Variants in CDH13 observed in about 807,000 individuals in gnomAD.
CDH13 encodes the protein cadherin-13.
Under a neutral mutation model 63.8 loss-of-function variants are expected in CDH13, and 24 were observed. The observed-to-expected ratio is 0.38, with a 90% CI of 0.27 to 0.53. The LOEUF is 0.53. Among genes scored for constraint, CDH13 ranks in the 20% least tolerant of loss-of-function variants. The pLI, the probability that CDH13 is intolerant of heterozygous loss-of-function variation, is 0.85. For synonymous variants in CDH13, 503 were observed against 355.3 expected, an observed-to-expected ratio of 1.42 and a Z score of -4.67; for missense variants, 1,049 against 903.1, an observed-to-expected ratio of 1.16 and a Z score of -2.07.
intron 3 of CDH13, among the ~76,000 whole-genome samples, chr16:83,032,660 G>C (rs749765372): frequency 6.6e-6 from 1 of 152,068 alleles, no homozygotes; most frequent in Non-Finnish European, 1.5e-5. Flanking sequence ...GCAAAACCTT[G>C]GAATTCAGTC....
intron 12 of CDH13, among the ~76,000 whole-genome samples, chr16:83,781,022 G>C (rs1915482069): frequency 6.6e-6 from 1 of 152,168 alleles, no homozygotes; most frequent in African/African-American, 2.4e-5. Flanking sequence ...CCTCAGACTT[G>C]ACTTGGTTTA....
At chr16:83,103,251 T>C (rs1322329605) in intron 3 of CDH13, among the ~76,000 whole-genome samples, 1 of 139,564 alleles carries the variant, frequency 7.2e-6, no homozygotes, top group African/African-American at 2.7e-5. Flanking sequence ...AACTTTTTTT[T>C]TTTTTTTTTT....
intron 5 of CDH13, among the ~76,000 whole-genome samples, chr16:83,261,613 A>G (rs538523029): frequency 6.6e-6 from 1 of 152,092 alleles, no homozygotes; most frequent in Non-Finnish European, 1.5e-5. Context: ...CCCCCATGAC[A>G]AAGAAATTAT....
intron 4 of CDH13, among the ~76,000 whole-genome samples, chr16:83,201,327 G>A (rs1230651595): frequency 1.3e-5 from 2 of 152,066 alleles, no homozygotes; most frequent in Non-Finnish European, 2.9e-5. Context: ...AAATATGTCA[G>A]GAAGTATGTC....
chr16:83,601,994 G>T (rs953876853), intron 7 of CDH13, among the ~76,000 whole-genome samples: 3 of 150,616 alleles, frequency 2.0e-5, no homozygotes, highest in Non-Finnish European at 4.4e-5. Flanking sequence ...TCAGGAGGCT[G>T]AGGCAGGAGA....
At chr16:83,585,811 G>T (rs1906102038) in intron 7 of CDH13, among the ~76,000 whole-genome samples, 1 of 152,256 alleles carries the variant, frequency 6.6e-6, no homozygotes, top group East Asian at 1.9e-4. Context: ...GCTCCCACGT[G>T]GAATCTTTGG....
At chr16:83,294,618 G>GTATA (rs56063197) in intron 5 of CDH13, among the ~76,000 whole-genome samples, 36 of 150,582 alleles carry the variant, frequency 2.4e-4, no homozygotes, top group East Asian at 1.4e-3. Context: ...GTGTGTGTGT[G>GTATA]TATATATATA....
intron 6 of CDH13, among the ~76,000 whole-genome samples, chr16:83,426,723 C>T (rs897592100): frequency 2.0e-4 from 30 of 152,002 alleles, no homozygotes; most frequent in African/African-American, 7.2e-4. Flanking sequence ...AATGATAGTC[C>T]TCATTCTCCC....
At chr16:83,279,505 G>T (rs899627937) in intron 5 of CDH13, among the ~76,000 whole-genome samples, 1 of 152,102 alleles carries the variant, frequency 6.6e-6, no homozygotes, top group Non-Finnish European at 1.5e-5. Flanking sequence ...CATATCTGCC[G>T]CATTCTGGAA....
At chr16:83,351,212 G>A (rs1191374044) in intron 6 of CDH13, among the ~76,000 whole-genome samples, 1 of 149,982 alleles carries the variant, frequency 6.7e-6, no homozygotes, top group Non-Finnish European at 1.5e-5. Context: ...TCATGCTGTA[G>A]GTTCCTCCAT....
At chr16:83,630,720 C>T (rs536276689) in intron 8 of CDH13, among the ~76,000 whole-genome samples, 12 of 152,212 alleles carry the variant, frequency 7.9e-5, no homozygotes, top group African/African-American at 2.9e-4. Context: ...TGAAGATGAG[C>T]GATCAGTTTA....
intron 5 of CDH13, among the ~76,000 whole-genome samples, chr16:83,284,189 CT>C (rs901087292): frequency 7.2e-5 from 11 of 152,104 alleles, no homozygotes; most frequent in African/African-American, 2.2e-4. Context: ...AAGTGTTGGA[CT>C]TTGGTAAACA....
chr16:83,577,686 G>A (rs1036551122), intron 7 of CDH13, among the ~76,000 whole-genome samples: 2 of 152,154 alleles, frequency 1.3e-5, no homozygotes, highest in Non-Finnish European at 1.5e-5. Flanking sequence ...GGCCACATCC[G>A]TCACCCTGTG....
chr16:83,793,139 C>T (rs1043245914), intron 13 of CDH13, among the ~76,000 whole-genome samples: 1 of 152,084 alleles, frequency 6.6e-6, no homozygotes. Context: ...TAACAGAAGC[C>T]TGAGAGTGAG....
chr16:83,170,446 G>A (rs1406737760), intron 4 of CDH13, among the ~76,000 whole-genome samples: 1 of 152,080 alleles, frequency 6.6e-6, no homozygotes, highest in Admixed American at 6.6e-5. Flanking sequence ...GAAGCTTCCA[G>A]TTTTCCAGTC....
At chr16:82,723,154 A>T (rs1480283474) in intron 1 of CDH13, 2 of 152,222 alleles carry the variant, frequency 1.3e-5, no homozygotes, top group African/African-American at 4.8e-5. Context: ...TCCACATGAG[A>T]AGTTACCTGC....
At chr16:83,108,238 G>T (rs1597350897) in intron 3 of CDH13, among the ~76,000 whole-genome samples, 1 of 152,262 alleles carries the variant, frequency 6.6e-6, no homozygotes, top group African/African-American at 2.4e-5. Context: ...TGGCAATGGA[G>T]GAGGCAAAGG....
intron 3 of CDH13, among the ~76,000 whole-genome samples, chr16:83,063,046 C>G (rs924285123): frequency 6.6e-6 from 1 of 151,192 alleles, no homozygotes; most frequent in African/African-American, 2.4e-5. Context: ...ACTGCAACCT[C>G]TGACTTCCAG....
intron 1 of CDH13, among the ~76,000 whole-genome samples, chr16:82,804,194 C>G (rs528932702): frequency 6.6e-6 from 1 of 151,416 alleles, no homozygotes. Context: ...CGCTACTGCA[C>G]TCCAGCCTGG....
Sources: allele counts gnomAD v4.1 joint callset (sites outside exome capture counted in the v4.1 genomes callset), GRCh38; gene constraint gnomAD v4.1.1; transcripts MANE v1.5; gene names NCBI Gene and HGNC (gene_info 2026-07-23, HGNC 2026-07-21).